ADAM17: variants seen among roughly 807,000 people sequenced by gnomAD.
ADAM17 encodes the protein disintegrin and metalloproteinase domain-containing protein 17.
Under a neutral mutation model 96.7 loss-of-function variants are expected in ADAM17, and 39 were observed. That is an observed-to-expected ratio of 0.40 (90% CI 0.31 to 0.53). ADAM17 has a LOEUF of 0.53. ADAM17 is among the 20% of genes least tolerant of loss of function. The pLI is 0.44. For missense variants in ADAM17, 777 were observed against 1,013.2 expected, an observed-to-expected ratio of 0.77 and a Z score of 3.17; for synonymous variants, 344 against 359.2, an observed-to-expected ratio of 0.96 and a Z score of 0.48.
chr2:9,527,603 G>C (rs1664580448), intron 5 of ADAM17, 183 bp downstream of exon 5: 8 of 394,606 alleles, frequency 2.0e-5, no homozygotes, highest in Non-Finnish European at 3.1e-5. Context: ...ATTTTCCAGA[G>C]TTTTCAACTC....
At position 9,502,175 on chromosome 2, in the gene ADAM17, G is replaced by C; in HGVS notation, c.1646C>G (p.Thr549Arg). Residue 549 changes from threonine (T) to arginine (R), a missense_variant and splice_region_variant, in exon 13 of 19, where the codon ACA (threonine) becomes AGA (arginine). By Grantham distance (71) the Thr-to-Arg change is moderately conservative. Around this residue, in one of 3 missense-constraint regions of ADAM17, gnomAD observed 446 missense variants for 664.7 expected, o/e 0.67. Transcript: ENST00000310823. Reference protein sequence around the residue: ...NATCKGVSYCTGNSSECPPPG... With the variant: ...NATCKGVSYCRGNSSECPPPG... ...AAGGAAGCAACAAGAACACGAACCT[G>C]TGCAGTAGGACACGCCTTTGCAAGT... 2 of 1,613,480 alleles carry C rather than the reference G, an allele frequency of 1.2e-6. No homozygotes were observed. The highest frequency in any genetic ancestry group is 1.7e-6 in the Non-Finnish European group (2 of 1,179,506).
chr2:9,554,910 C>T (rs778274054), intron 1 of ADAM17, among the ~76,000 whole-genome samples: 2 of 152,088 alleles, frequency 1.3e-5, no homozygotes, highest in Non-Finnish European at 2.9e-5. Context: ...TTTCCGCCTC[C>T]CCCCATCTCC....
In ADAM17 at chr2:9,540,418, T is replaced by C. The variant is rs548781359; in HGVS notation, c.230+2735A>G. Among the ~76,000 whole-genome samples the C allele has an allele frequency of 6.3e-3, 960 of 152,054 alleles. 3 individuals are homozygous for C. The highest frequency in any genetic ancestry group is 0.011 in the Non-Finnish European group (728 of 67,994). On this transcript the variant is annotated intron_variant, in intron 2 of 18. Transcript: ENST00000310823. ...TTTTTTTGTTCCTTCAAAAAAGGAA[T>C]CACTTTTAGAGATAACTTATGTAAA...
intron 7 of ADAM17, 114 bp downstream of exon 7, chr2:9,523,135 G>A (rs1664377047): frequency 1.4e-6 from 1 of 722,090 alleles, no homozygotes. Flanking sequence ...ATTGGCATCT[G>A]AGAAAACTTA....
chr2:9,528,000 T>G (rs1664595177), intron 4 of ADAM17, 46 bp from the exon 5 acceptor site: 1 of 1,249,452 alleles, frequency 8.0e-7, no homozygotes, highest in East Asian at 2.7e-5. Flanking sequence ...CAATAATAAT[T>G]CCTAAACACT....
chr2:9,540,335 C>T lies in ADAM17; in HGVS notation c.230+2818G>A, dbSNP rs573886756. Among the ~76,000 whole-genome samples, 3 of 152,116 alleles carry T rather than the reference C, an allele frequency of 2.0e-5. No homozygotes were observed. In the South Asian group the frequency reaches 6.2e-4, roughly 32 times the overall value. ...ACCTTTGTTCAAATCTTGTATCTGT[C>T]ATTTACTAGCTGAGTAATCTTGGGC... On this transcript the variant is annotated intron_variant, in intron 2 of 18. Coordinates refer to ENST00000310823, the MANE Select transcript of ADAM17 (RefSeq NM_003183.6).
At chr2:9,548,137 A>C (rs995083809) in intron 1 of ADAM17, among the ~76,000 whole-genome samples, 1 of 152,110 alleles carries the variant, frequency 6.6e-6, no homozygotes, top group Non-Finnish European at 1.5e-5. Flanking sequence ...GTTAGAGACC[A>C]GCCTGGCCAA....
In ADAM17 at chr2:9,535,850, G is replaced by T. The variant is rs1664940070; in HGVS notation, c.434C>A (p.Ala145Asp). Residue 145 changes from alanine to aspartate, a missense_variant, in exon 4 of 19, where the codon GCC (alanine) becomes GAC (aspartate). By Grantham distance (126) the Ala-to-Asp change is moderately radical. Coordinates refer to ENST00000310823, the MANE Select transcript of ADAM17 (RefSeq NM_003183.6). ...DVIIRINTDG[A>D]EYNIEPLWRF... ...TAAATTTACCTCTATGTTATATTCG[G>T]CCCCATCTGTGTTGATTCTGATTAT... 6.3e-7 allele frequency: 1 copy of T among 1,597,066 alleles called. No individual in the cohort carries two copies. The highest frequency in any genetic ancestry group is 8.5e-7 in the Non-Finnish European group (1 of 1,170,892).
chr2:9,549,699 T>G (rs1665523983), intron 1 of ADAM17, among the ~76,000 whole-genome samples: 1 of 152,052 alleles, frequency 6.6e-6, no homozygotes, highest in Non-Finnish European at 1.5e-5. Flanking sequence ...TCTATTTTTT[T>G]GTAGAGACAA....
intron 11 of ADAM17, 57 bp from the exon 12 acceptor site, chr2:9,505,422 T>G: frequency 6.6e-7 from 1 of 1,519,244 alleles, no homozygotes; most frequent in Non-Finnish European, 9.1e-7. Context: ...TGTATTCCCA[T>G]GCAATGTTTG....
chr2:9,519,516 G>T (rs950556918), intron 8 of ADAM17, among the ~76,000 whole-genome samples: 2 of 152,142 alleles, frequency 1.3e-5, no homozygotes, highest in Non-Finnish European at 2.9e-5. Flanking sequence ...TGACTAATCA[G>T]ACAAGTCATT....
intron 1 of ADAM17, among the ~76,000 whole-genome samples, chr2:9,555,149 T>C (rs775465608): frequency 6.6e-6 from 1 of 152,072 alleles, no homozygotes; most frequent in Non-Finnish European, 1.5e-5. Flanking sequence ...ACTAGATTTG[T>C]TCCCTACTAA....
intron 5 of ADAM17, chr2:9,527,554 C>T (rs1446829499): frequency 6.5e-6 from 2 of 305,642 alleles, no homozygotes; most frequent in Non-Finnish European, 1.2e-5. Flanking sequence ...TTCCCTTTTC[C>T]CTAATCTTTT....
intron 4 of ADAM17, among the ~76,000 whole-genome samples, chr2:9,529,188 G>C (rs756343348): frequency 6.6e-6 from 1 of 152,190 alleles, no homozygotes; most frequent in Non-Finnish European, 1.5e-5. Context: ...GGTGGCTCAT[G>C]TCTTTAATCC....
At chr2:9,554,698 C>T (rs1355631354) in intron 1 of ADAM17, among the ~76,000 whole-genome samples, 1 of 152,176 alleles carries the variant, frequency 6.6e-6, no homozygotes, top group African/African-American at 2.4e-5. Context: ...TAAAAGTTCA[C>T]GCAAACTTAC....
chr2:9,522,472 T>C (rs1009230369), intron 7 of ADAM17: 1 of 585,192 alleles, frequency 1.7e-6, no homozygotes, highest in Admixed American at 2.2e-5. Context: ...TGAAAGAGAA[T>C]GAAAAGGGAA....
intron 6 of ADAM17, among the ~76,000 whole-genome samples, chr2:9,525,452 CATT>C (rs1321937095): frequency 6.6e-6 from 1 of 152,162 alleles, no homozygotes; most frequent in Non-Finnish European, 1.5e-5. Context: ...CTGCATTCTC[CATT>C]ATTCCCTCAG....
At chr2:9,539,249 A>T (rs941051856) in intron 2 of ADAM17, among the ~76,000 whole-genome samples, 2 of 151,852 alleles carry the variant, frequency 1.3e-5, no homozygotes, top group Non-Finnish European at 2.9e-5. Context: ...CTGGGACTAC[A>T]GGCGCCTGCT....
rs182977365 is a variant in ADAM17 at position 9,493,097 on chromosome 2, A to C, written c.1994-111T>G. The stretch of plus-strand genomic sequence containing the variant: ...CAAATGCCAGAGCTGCTGGCTAGAC[A>C]TACTACCGAGAGCAGAATGTCTGTG... On this transcript the variant is annotated intron_variant, in intron 16 of 18. Transcript: ENST00000310823. The C allele has an allele frequency of 1.1e-4, 91 of 837,258 alleles. No homozygotes were observed. The African/African-American group carries it at 1.4e-3, about 13-fold the overall frequency. The allele number at this position is 837,258 out of a possible 1,614,324, so 51.9% of individuals were successfully genotyped here.
Sources: allele counts gnomAD v4.1 joint callset (sites outside exome capture counted in the v4.1 genomes callset), GRCh38; gene constraint gnomAD v4.1.1; regional missense constraint gnomAD v4.1.1; transcripts MANE v1.5; gene names NCBI Gene and HGNC (gene_info 2026-07-23, HGNC 2026-07-21).